CDH6: variants seen among roughly 807,000 people sequenced by gnomAD.
The protein encoded by CDH6 is cadherin 6, also known as cadherin-6.
Under a neutral mutation model 78.0 loss-of-function variants are expected in CDH6, and 31 were observed. That is an observed-to-expected ratio of 0.40 (90% confidence interval 0.30 to 0.54). The LOEUF is 0.54. Ranked by LOEUF, CDH6 falls within the 20% of genes least tolerant of loss-of-function variation. The probability of loss-of-function intolerance (pLI) is 0.56; values close to 1 mark genes in which losing one functional copy is unlikely to be tolerated. For synonymous variants in CDH6, 376 were observed against 368.8 expected (o/e 1.02, Z -0.23); for missense variants, 724 against 975.9 (o/e 0.74, Z 3.44).
chr5:31,288,009 G>T lies in CDH6; in HGVS notation c.229-5953G>T, dbSNP rs1010730515. Reference sequence around the variant, plus strand: ...AGAACCTGGGTTCCTTCCACTTTGTGGCTTGCCATCCCCTTGGGCACTGTT... The same window carrying T: ...AGAACCTGGGTTCCTTCCACTTTGTTGCTTGCCATCCCCTTGGGCACTGTT... On this transcript the variant is annotated intron_variant, in intron 2 of 11. Transcript: ENST00000265071. Among the ~76,000 whole-genome samples the T allele has an allele frequency of 3.3e-5, 5 of 152,314 alleles. 1 individual carries two copies. The highest frequency in any genetic ancestry group is 1.2e-4 in the African/African-American group (5 of 41,580).
intron 1 of CDH6, among the ~76,000 whole-genome samples, chr5:31,257,909 T>C (rs1742099033): frequency 6.6e-6 from 1 of 152,206 alleles, no homozygotes; most frequent in Non-Finnish European, 1.5e-5. Context: ...AGAAGGAGCC[T>C]CTAGGTTAGT....
intron 5 of CDH6, among the ~76,000 whole-genome samples, chr5:31,301,262 GT>G (rs1205005795): frequency 2.8e-4 from 42 of 152,334 alleles, no homozygotes; most frequent in African/African-American, 7.5e-4. Context: ...GCCATAGACT[GT>G]TTAAATTCTT....
chr5:31,252,256 C>G (rs1219010275), intron 1 of CDH6, among the ~76,000 whole-genome samples: 2 of 151,794 alleles, frequency 1.3e-5, no homozygotes, highest in Non-Finnish European at 2.9e-5. Flanking sequence ...AGTACGGGAA[C>G]CACAACATCT....
chr5:31,219,069 A>G (rs1260966459), intron 1 of CDH6, among the ~76,000 whole-genome samples: 1 of 152,196 alleles, frequency 6.6e-6, no homozygotes, highest in Non-Finnish European at 1.5e-5. Flanking sequence ...ATTAGCTTCC[A>G]TAATGTAGGA....
At chr5:31,215,990 T>A (rs925195193) in intron 1 of CDH6, among the ~76,000 whole-genome samples, 2 of 152,164 alleles carry the variant, frequency 1.3e-5, no homozygotes, top group African/African-American at 4.8e-5. Context: ...GCCCTTTGGT[T>A]TTTTTTCAAA....
At chr5:31,211,473 A>G (rs1740703100) in intron 1 of CDH6, among the ~76,000 whole-genome samples, 1 of 152,176 alleles carries the variant, frequency 6.6e-6, no homozygotes. Context: ...AATATCCCAA[A>G]TCCTTCTTTA....
At position 31,204,750 on chromosome 5, in the gene CDH6, G is replaced by A. The variant is rs545289863; in HGVS notation, c.-129+10864G>A. Among the ~76,000 whole-genome samples, 11 of 152,130 alleles carry A rather than the reference G, an allele frequency of 7.2e-5. No homozygotes were observed. In the South Asian group the frequency reaches 2.1e-3, roughly 29 times the overall value. ...TGAGAGCCAAACCTGTCCCGTTTTGGATTTTAAAATATGCACTAATGTCTA... is the reference window on the plus strand; with the variant it reads ...TGAGAGCCAAACCTGTCCCGTTTTGAATTTTAAAATATGCACTAATGTCTA... On this transcript the variant is annotated intron_variant, in intron 1 of 11. Transcript: ENST00000265071.
chr5:31,262,957 C>A (rs1742248863), intron 1 of CDH6, among the ~76,000 whole-genome samples: 2 of 152,124 alleles, frequency 1.3e-5, no homozygotes, highest in African/African-American at 2.4e-5. Flanking sequence ...CCGTAAGAAT[C>A]CTGTTTTTTG....
chr5:31,233,723 C>G (rs184518597), intron 1 of CDH6, among the ~76,000 whole-genome samples: 8 of 152,288 alleles, frequency 5.3e-5, no homozygotes, highest in African/African-American at 1.7e-4. Context: ...CTTCCCATGA[C>G]TGGCTCATTG....
intron 8 of CDH6, 118 bp from the exon 9 acceptor site, chr5:31,316,090 T>C (rs907513998): frequency 9.1e-7 from 1 of 1,099,734 alleles, no homozygotes; most frequent in Non-Finnish European, 1.3e-6. Flanking sequence ...TGCCCAGTAG[T>C]ACAGCAGCTT....
chr5:31,233,786 C>G (rs1046420130), intron 1 of CDH6, among the ~76,000 whole-genome samples: 1 of 152,136 alleles, frequency 6.6e-6, no homozygotes, highest in Non-Finnish European at 1.5e-5. Flanking sequence ...ATAAAACACC[C>G]ACCGCCTCAC....
chr5:31,277,135 T>C (rs1162284876), intron 2 of CDH6, among the ~76,000 whole-genome samples: 1 of 152,206 alleles, frequency 6.6e-6, no homozygotes, highest in Non-Finnish European at 1.5e-5. Context: ...TATAAAAATA[T>C]GAAGTTGCCT....
intron 1 of CDH6, among the ~76,000 whole-genome samples, chr5:31,253,114 T>G (rs1295493606): frequency 6.6e-6 from 1 of 152,232 alleles, no homozygotes. Context: ...TCCTGATTCA[T>G]GGACTATCTT....
intron 6 of CDH6, among the ~76,000 whole-genome samples, chr5:31,302,788 GAGAGAGAGAGAGAAAGAAAGAAAGAA>G (rs1245852744): frequency 2.6e-3 from 205 of 78,986 alleles, no homozygotes; most frequent in African/African-American, 1.0e-2. Flanking sequence ...AAGAGAGAGA[GAGAGAGAGAGAGAAAGAAAGAAAGAA>G]AGAAAGAAAG....
intron 1 of CDH6, among the ~76,000 whole-genome samples, chr5:31,236,925 T>C (rs757646470): frequency 5.3e-5 from 8 of 152,176 alleles, no homozygotes; most frequent in Non-Finnish European, 1.0e-4. Context: ...TGTGGAATCA[T>C]GCTAATAGGA....
chr5:31,206,328 A>C (rs1224134481), intron 1 of CDH6, among the ~76,000 whole-genome samples: 1 of 152,200 alleles, frequency 6.6e-6, no homozygotes, highest in Non-Finnish European at 1.5e-5. Flanking sequence ...TCAAGGCTTA[A>C]AAATACAGTT....
rs149013166 is a variant in CDH6 at position 31,193,722 on chromosome 5, A to G, written c.-293A>G. 6.6e-6 allele frequency: 1 copy of G among 152,358 alleles called. No individual in the cohort carries two copies. Among genetic ancestry groups the G allele is most frequent in the Non-Finnish European group, 1.5e-5 (1 of 68,138 alleles). 9.4% of individuals were successfully genotyped at this position (152,358 alleles called of 1,614,324 possible). ...CACTTGCAAATCAGTGTGTGCCCAC[A>G]AGAGCCAGCTCTCCCGAGCCCGTAA... On this transcript the variant is annotated 5_prime_UTR_variant, in exon 1 of 12. Transcript: ENST00000265071.
chr5:31,260,810 G>A (rs957358985), intron 1 of CDH6, among the ~76,000 whole-genome samples: 3 of 152,282 alleles, frequency 2.0e-5, no homozygotes, highest in Admixed American at 6.5e-5. Context: ...TTACACACAC[G>A]AAACGGAACC....
intron 7 of CDH6, among the ~76,000 whole-genome samples, chr5:31,308,991 G>T (rs946946551): frequency 7.9e-5 from 12 of 151,842 alleles, no homozygotes. Context: ...TGTAATTAAC[G>T]ATGTGCTATA....
Sources: gnomAD v4.1 joint callset for allele counts (sites outside exome capture counted in the v4.1 genomes callset) on GRCh38, gnomAD v4.1.1 for gene constraint, MANE v1.5 for transcripts, NCBI Gene and HGNC (gene_info 2026-07-23, HGNC 2026-07-21) for gene names.